VAV1: variants seen among roughly 807,000 people sequenced by gnomAD.
VAV1 encodes the protein vav guanine nucleotide exchange factor 1, also known as proto-oncogene vav.
Under a neutral mutation model 128.1 loss-of-function variants are expected in VAV1, and 33 were observed. The observed-to-expected ratio is 0.26, with a 90% CI of 0.20 to 0.34. The LOEUF (loss-of-function observed/expected upper bound fraction) is 0.34, where lower values mean the gene tolerates loss of function less well. Among genes scored for constraint, VAV1 ranks in the 10% least tolerant of loss-of-function variants. The pLI is 1.00. For synonymous variants in VAV1, 394 were observed against 409.8 expected (o/e 0.96, Z 0.47); for missense variants, 715 against 1,093.7 (o/e 0.65, Z 4.88).
At chr19:6,800,315 A>ATTT (rs11426897) in intron 1 of VAV1, among the ~76,000 whole-genome samples, 11 of 147,784 alleles carry the variant, frequency 7.4e-5, no homozygotes, top group African/African-American at 2.7e-4. Context: ...TATCTGTCTC[A>ATTT]TTTTTTTTTT....
chr19:6,814,388 G>A (rs1209019117), intron 1 of VAV1, among the ~76,000 whole-genome samples: 4 of 151,984 alleles, frequency 2.6e-5, no homozygotes, highest in Non-Finnish European at 5.9e-5. Flanking sequence ...AGCAACCACT[G>A]ATTTGATTTC....
In VAV1 at chr19:6,826,862, C is replaced by A. The variant is rs759048210; in HGVS notation, c.927+151C>A. 6.1e-6 allele frequency: 4 copies of A among 657,934 alleles called. No homozygotes were observed. Among genetic ancestry groups the A allele is most frequent in the African/African-American group, 1.8e-5 (1 of 55,194 alleles). The allele number at this position is 657,934 out of a possible 1,614,324, so 40.8% of individuals were successfully genotyped here. ...ACTAGGGAGGGAGGTACTAGCCAGC[C>A]AAGCAGAGGAAATGGAGAAGAACAG... On this transcript the variant is annotated intron_variant, in intron 9 of 26. Coordinates refer to ENST00000602142, the MANE Select transcript of VAV1 (RefSeq NM_005428.4). This position sits in a 1 kb window ranked among gnomAD's most constrained non-coding sequence, Gnocchi z 4.1.
intron 20 of VAV1, 38 bp downstream of exon 20, chr19:6,836,606 C>G: frequency 6.2e-7 from 1 of 1,610,710 alleles, no homozygotes. Flanking sequence ...GGGTGGGACC[C>G]AAGTGTAGGG....
At chr19:6,847,670 A>G (rs1277931627) in intron 22 of VAV1, among the ~76,000 whole-genome samples, 1 of 151,986 alleles carries the variant, frequency 6.6e-6, no homozygotes, top group African/African-American at 2.4e-5. Flanking sequence ...GACCACAGAG[A>G]TGGGCACACA....
intron 1 of VAV1, among the ~76,000 whole-genome samples, chr19:6,787,103 G>C (rs978634566): frequency 1.3e-5 from 2 of 150,438 alleles, no homozygotes; most frequent in Non-Finnish European, 3.0e-5. Context: ...GGATCCAGGG[G>C]CTCAGGCAAT....
At chr19:6,787,224 G>A (rs1970913664) in intron 1 of VAV1, among the ~76,000 whole-genome samples, 1 of 152,034 alleles carries the variant, frequency 6.6e-6, no homozygotes, top group Non-Finnish European at 1.5e-5. Context: ...CACCAAGGCT[G>A]GAGTGCAGTG....
Position 6,852,820 on chromosome 19 carries a change from A to G in VAV1, c.2218-145A>G, listed in dbSNP as rs1393716141. 5.2e-6 allele frequency: 3 copies of G among 573,340 alleles called. No homozygotes were observed. The African/African-American group carries it at 5.7e-5, about 11-fold the overall frequency. The allele number at this position is 573,340 out of a possible 1,614,324, so 35.5% of individuals were successfully genotyped here. ...TCAGGGAGGTGATGAACTCCCCATC[A>G]TGGGGAGTATTCAAGGGGTCACTTT... On this transcript the variant is annotated intron_variant, in intron 24 of 26. Transcript: ENST00000602142.
At chr19:6,851,335 G>A (rs1972671953) in intron 24 of VAV1, among the ~76,000 whole-genome samples, 1 of 151,562 alleles carries the variant, frequency 6.6e-6, no homozygotes, top group East Asian at 1.9e-4. Flanking sequence ...ATCATGCCTG[G>A]CTAATTTTAA....
chr19:6,849,627 C>G (rs1051262833), intron 23 of VAV1, among the ~76,000 whole-genome samples: 1 of 152,030 alleles, frequency 6.6e-6, no homozygotes, highest in South Asian at 2.1e-4. Context: ...TTATTCCCAT[C>G]TTTATGTCCA....
chr19:6,849,113 A>C (rs1373912302), intron 23 of VAV1, among the ~76,000 whole-genome samples: 1 of 150,954 alleles, frequency 6.6e-6, no homozygotes, highest in East Asian at 2.0e-4. Context: ...AACTTATTTT[A>C]GAATCAGAGG....
Position 6,826,470 on chromosome 19 carries a change from T to C in VAV1, c.828-142T>C, listed in dbSNP as rs780887815. ...CAATAGCCTCACATGGGAGATGCTA[T>C]TGTTATGCCCATTTCACAGATGGAG... On this transcript the variant is annotated intron_variant, in intron 8 of 26. Transcript: ENST00000602142. This position sits in a 1 kb window ranked among gnomAD's most constrained non-coding sequence, Gnocchi z 4.1. 2.1e-4 allele frequency: 132 copies of C among 638,738 alleles called. 1 individual carries two copies. The highest frequency in any genetic ancestry group is 3.3e-4 in the Non-Finnish European group (117 of 352,746). 39.6% of individuals were successfully genotyped at this position (638,738 alleles called of 1,614,324 possible). A position where few individuals can be genotyped will look rare whatever the true frequency, so the allele number is the denominator to read the frequency against.
In VAV1 at chr19:6,852,951, G is replaced by T. The variant is rs768408061; in HGVS notation, c.2218-14G>T. ...CCCGCTGGGATAGCATCTGCCATGT[G>T]GTCCGCCTTCTAGGAGCTGGTGGAG... On this transcript the variant is annotated splice_polypyrimidine_tract_variant and intron_variant, in intron 24 of 26. Coordinates refer to ENST00000602142, the MANE Select transcript of VAV1 (RefSeq NM_005428.4). 1.2e-6 allele frequency: 2 copies of T among 1,603,826 alleles called. No homozygotes were observed. The highest frequency in any genetic ancestry group is 3.3e-5 in the Admixed American group (2 of 59,728).
At chr19:6,833,439 C>T (rs947700476) in intron 16 of VAV1, 89 bp from the exon 17 acceptor site, 22 of 1,432,166 alleles carry the variant, frequency 1.5e-5, no homozygotes, top group Non-Finnish European at 2.0e-5. Flanking sequence ...CTAAAGAGAA[C>T]CCAAGGGGTC....
chr19:6,850,225 G>GTTTTTT (rs760967154), intron 23 of VAV1, among the ~76,000 whole-genome samples: 31 of 49,026 alleles, frequency 6.3e-4, no homozygotes, highest in African/African-American at 9.1e-4. Context: ...TTGTTTCTTT[G>GTTTTTT]TTTTTTTTTT....
intron 1 of VAV1, among the ~76,000 whole-genome samples, chr19:6,775,583 C>G (rs112675302): frequency 2.6e-5 from 4 of 152,216 alleles, no homozygotes; most frequent in African/African-American, 9.6e-5. Context: ...GTATCAGGCT[C>G]CAGGCTGGGC....
intron 15 of VAV1, 45 bp downstream of exon 15, chr19:6,832,245 G>C (rs1396221215): frequency 6.3e-7 from 1 of 1,589,848 alleles, no homozygotes; most frequent in Non-Finnish European, 8.6e-7. Context: ...AGAGGGGCAG[G>C]GGCTGGGAAG....
At chr19:6,810,395 C>T (rs1352957173) in intron 1 of VAV1, among the ~76,000 whole-genome samples, 3 of 152,060 alleles carry the variant, frequency 2.0e-5, no homozygotes, top group East Asian at 1.9e-4. Flanking sequence ...GGCTTGTAGA[C>T]GATCACCTAT....
chr19:6,847,761 C>T (rs1474687655), intron 22 of VAV1, among the ~76,000 whole-genome samples: 1 of 152,186 alleles, frequency 6.6e-6, no homozygotes, highest in Non-Finnish European at 1.5e-5. Context: ...AGCCATCCCC[C>T]CGAATCCATG....
At chr19:6,846,897 T>C (rs1212537748) in intron 22 of VAV1, among the ~76,000 whole-genome samples, 1 of 148,596 alleles carries the variant, frequency 6.7e-6, no homozygotes, top group Non-Finnish European at 1.5e-5. Flanking sequence ...TCATGTTATA[T>C]TTATATTCAG....
Sources: allele counts gnomAD v4.1 joint callset (sites outside exome capture counted in the v4.1 genomes callset), GRCh38; gene constraint gnomAD v4.1.1; non-coding constraint Gnocchi (gnomAD v3.1); transcripts MANE v1.5; gene names NCBI Gene and HGNC (gene_info 2026-07-23, HGNC 2026-07-21).